Variants in GABRB3 observed in about 807,000 individuals in gnomAD.
GABRB3 encodes gamma-aminobutyric acid type A receptor subunit beta3, also known as gamma-aminobutyric acid receptor subunit beta-3.
In GABRB3, 14 loss-of-function variants were observed where a neutral mutation model predicts 52.1. That is an observed-to-expected ratio of 0.27 (90% confidence interval 0.18 to 0.42). The LOEUF is 0.42. Among genes scored for constraint, GABRB3 ranks in the 10% least tolerant of loss-of-function variants. The pLI is 1.00. For missense variants in GABRB3, 307 were observed against 609.1 expected (o/e 0.50, Z 5.22); for synonymous variants, 260 against 232.3 (o/e 1.12, Z -1.08).
At chr15:26,689,323 A>G (rs187011985) in intron 3 of GABRB3, among the ~76,000 whole-genome samples, 1 of 152,310 alleles carries the variant, frequency 6.6e-6, no homozygotes, top group African/African-American at 2.4e-5. Context: ...AACCTGAAAA[A>G]GAGAACTTTA....
chr15:26,565,273 C>T (rs750833532), intron 7 of GABRB3, among the ~76,000 whole-genome samples: 1 of 152,156 alleles, frequency 6.6e-6, no homozygotes, highest in Non-Finnish European at 1.5e-5. Context: ...TAGATCTAGA[C>T]TCAGTCTTGT....
Position 26,616,377 on chromosome 15 carries a change from A to G in GABRB3, c.461+4937T>C, listed in dbSNP as rs142605777. On this transcript the variant is annotated intron_variant, in intron 4 of 8. Coordinates refer to ENST00000311550, the MANE Select transcript of GABRB3 (RefSeq NM_000814.6). ...TCCAGTAGTTCAAATCAATCTCTAG[A>G]GCTACATGTTTTTTAAATATCAAGG... Among the ~76,000 whole-genome samples the G allele has an allele frequency of 5.1e-3, 783 of 152,294 alleles. 10 individuals carry two copies. Among genetic ancestry groups the G allele is most frequent in the African/African-American group, 0.018 (761 of 41,560 alleles).
At chr15:26,743,220 GC>G (rs1257464262) in intron 3 of GABRB3, among the ~76,000 whole-genome samples, 4 of 152,054 alleles carry the variant, frequency 2.6e-5, no homozygotes, top group Non-Finnish European at 5.9e-5. Context: ...GAGCCACCGC[GC>G]CCAGCTGGAG....
chr15:26,670,469 C>T (rs1436043218), intron 3 of GABRB3, among the ~76,000 whole-genome samples: 1 of 152,108 alleles, frequency 6.6e-6, no homozygotes, highest in Non-Finnish European at 1.5e-5. Flanking sequence ...CGCCAAGGCG[C>T]GGCTTCGGAG....
chr15:26,623,915 G>A (rs1892582010), intron 3 of GABRB3, among the ~76,000 whole-genome samples: 1 of 152,164 alleles, frequency 6.6e-6, no homozygotes, highest in Non-Finnish European at 1.5e-5. Flanking sequence ...AGAACTGGAA[G>A]GAACACACTC....
intron 3 of GABRB3, among the ~76,000 whole-genome samples, chr15:26,710,798 T>G (rs908460928): frequency 6.6e-6 from 1 of 152,062 alleles, no homozygotes; most frequent in Non-Finnish European, 1.5e-5. Flanking sequence ...TATTGAGCTA[T>G]AAACGTTTTT....
chr15:26,571,759 T>A (rs1297077077), intron 6 of GABRB3, among the ~76,000 whole-genome samples: 1 of 152,190 alleles, frequency 6.6e-6, no homozygotes, highest in East Asian at 1.9e-4. Flanking sequence ...CATTTTCTTT[T>A]GCATTTGTTT....
At chr15:26,732,012 C>G (rs1889928383) in intron 3 of GABRB3, among the ~76,000 whole-genome samples, 1 of 151,682 alleles carries the variant, frequency 6.6e-6, no homozygotes, top group Non-Finnish European at 1.5e-5. Flanking sequence ...GACAGATGGA[C>G]AGATGGTTGG....
chr15:26,606,805 T>TATAGATAGATATATCTATAGATAG (rs1555370516), intron 4 of GABRB3, among the ~76,000 whole-genome samples: 34 of 118,044 alleles, frequency 2.9e-4, no homozygotes, highest in Admixed American at 1.1e-3. Context: ...TAGATATATC[T>TATAGATAGATATATCTATAGATAG]ATAGATAGAT....
chr15:26,709,760 A>G (rs1206356232), intron 3 of GABRB3, among the ~76,000 whole-genome samples: 3 of 151,582 alleles, frequency 2.0e-5, no homozygotes, highest in African/African-American at 4.8e-5. Context: ...CTTGTGATCC[A>G]CCCACCTTGG....
intron 3 of GABRB3, among the ~76,000 whole-genome samples, chr15:26,712,967 C>T (rs990475785): frequency 1.3e-5 from 2 of 152,214 alleles, no homozygotes; most frequent in Admixed American, 6.5e-5. Flanking sequence ...GCTGGCTGCA[C>T]AGCGAAGGCA....
chr15:26,549,568 G>A (rs1166635930), intron 8 of GABRB3, among the ~76,000 whole-genome samples: 2 of 152,162 alleles, frequency 1.3e-5, no homozygotes, highest in African/African-American at 2.4e-5. Flanking sequence ...TCAACCTTGT[G>A]TAATAACATG....
chr15:26,602,792 G>C (rs993342041), intron 4 of GABRB3, among the ~76,000 whole-genome samples: 2 of 151,964 alleles, frequency 1.3e-5, no homozygotes, highest in South Asian at 4.1e-4. Context: ...ATTTATAGCT[G>C]TAAGTGTCTA....
At chr15:26,584,019 G>A (rs766940403) in intron 4 of GABRB3, among the ~76,000 whole-genome samples, 2 of 152,010 alleles carry the variant, frequency 1.3e-5, no homozygotes, top group Admixed American at 1.3e-4. Flanking sequence ...CTCGTGATCC[G>A]CCTGCCTCGG....
chr15:26,764,164 AAAAAAAAAAAAAAAAATATATAT>A (rs1890906174), intron 3 of GABRB3, among the ~76,000 whole-genome samples: 2 of 39,890 alleles, frequency 5.0e-5, no homozygotes, highest in African/African-American at 2.4e-4. Flanking sequence ...AAAAAAAAAA[AAAAAAAAAAAAAAAAATATATAT>A]ATATATATAT....
intron 3 of GABRB3, among the ~76,000 whole-genome samples, chr15:26,740,617 C>A (rs1890178751): frequency 6.6e-6 from 1 of 152,114 alleles, no homozygotes; most frequent in African/African-American, 2.4e-5. Flanking sequence ...CCCGTGGGCA[C>A]CCCAGGAAGC....
chr15:26,705,629 A>C (rs1455881607), intron 3 of GABRB3, among the ~76,000 whole-genome samples: 2 of 152,222 alleles, frequency 1.3e-5, no homozygotes, highest in Non-Finnish European at 2.9e-5. Flanking sequence ...CAAAAAACCC[A>C]GACAAACAAG....
intron 4 of GABRB3, among the ~76,000 whole-genome samples, chr15:26,597,329 A>C (rs1014514759): frequency 6.6e-6 from 1 of 152,228 alleles, no homozygotes; most frequent in South Asian, 2.1e-4. Flanking sequence ...AATGACAAAG[A>C]GGGAACTTGG....
At chr15:26,645,131 G>A (rs980216982) in intron 3 of GABRB3, among the ~76,000 whole-genome samples, 1 of 152,062 alleles carries the variant, frequency 6.6e-6, no homozygotes, top group African/African-American at 2.4e-5. Context: ...TAGTCCCAGC[G>A]TTCTAGAGGC....
Sources: gnomAD v4.1 joint callset for allele counts (sites outside exome capture counted in the v4.1 genomes callset) on GRCh38, gnomAD v4.1.1 for gene constraint, MANE v1.5 for transcripts, NCBI Gene and HGNC (gene_info 2026-07-23, HGNC 2026-07-21) for gene names.